The following BCKDHB variants were observed in gnomAD, a reference collection of about 807,000 sequenced individuals.
BCKDHB encodes 2-oxoisovalerate dehydrogenase subunit beta, mitochondrial.
Under a neutral mutation model 48.5 loss-of-function variants are expected in BCKDHB, and 41 were observed. That is an observed-to-expected ratio of 0.85 (90% CI 0.66 to 1.10). The LOEUF is 1.10. Among genes scored for constraint, BCKDHB ranks in the 50% least tolerant of loss-of-function variants. The probability of loss-of-function intolerance (pLI) is 0.00; values close to 1 mark genes in which losing one functional copy is unlikely to be tolerated. For missense variants in BCKDHB, 496 were observed against 494.2 expected (o/e 1.00, Z -0.03); for synonymous variants, 201 against 174.8 (o/e 1.15, Z -1.18).
At chr6:80,307,555 C>G in intron 9 of BCKDHB, 1 of 984,440 alleles carries the variant, frequency 1.0e-6, no homozygotes, top group Non-Finnish European at 1.2e-6. Context: ...CAGATGGGTC[C>G]ATGAATGACT....
chr6:80,387,533 G>A, the BCKDHB span, among the ~76,000 whole-genome samples: 1 of 152,190 alleles, frequency 6.6e-6, no homozygotes, highest in Non-Finnish European at 1.5e-5. Flanking sequence ...AATGACAGTG[G>A]ATTATCATAA....
At chr6:80,207,083 C>T (rs919632139) in intron 8 of BCKDHB, among the ~76,000 whole-genome samples, 3 of 151,946 alleles carry the variant, frequency 2.0e-5, no homozygotes, top group African/African-American at 7.2e-5. Context: ...AAAGAAGGTA[C>T]TGCAAGGGAG....
chr6:80,197,310 A>G (rs1049865410), intron 6 of BCKDHB, among the ~76,000 whole-genome samples: 2 of 152,224 alleles, frequency 1.3e-5, no homozygotes, highest in Non-Finnish European at 2.9e-5. Flanking sequence ...AAATAAATGG[A>G]CATATTAAAA....
At chr6:80,417,613 A>G in the BCKDHB span, among the ~76,000 whole-genome samples, 1 of 152,194 alleles carries the variant, frequency 6.6e-6, no homozygotes, top group Non-Finnish European at 1.5e-5. Flanking sequence ...GTTCGGCCAG[A>G]TATAAAATTC....
chr6:80,146,682 G>T (rs1017651068), intron 3 of BCKDHB, among the ~76,000 whole-genome samples: 1 of 152,138 alleles, frequency 6.6e-6, no homozygotes, highest in Non-Finnish European at 1.5e-5. Flanking sequence ...TTGCCCAAAG[G>T]CTTAGGAATT....
At chr6:80,331,694 A>T (rs1455868474) in intron 9 of BCKDHB, among the ~76,000 whole-genome samples, 2 of 152,164 alleles carry the variant, frequency 1.3e-5, no homozygotes, top group Non-Finnish European at 2.9e-5. Flanking sequence ...ATGTGTGAAC[A>T]CTGTATTTAC....
Position 80,152,041 on chromosome 6 carries a change from T to C in BCKDHB, c.344-15637T>C, listed in dbSNP as rs17808284. 4.8e-3 allele frequency among the ~76,000 whole-genome samples: 729 copies of C among 152,310 alleles called. 4 individuals carry two copies. Among genetic ancestry groups the C allele is most frequent in the South Asian group, 8.1e-3 (39 of 4,828 alleles). ...AAAATTTCAATGGCTTGCCCTTAAA[T>C]TGAAGCTGGTATCACAAGGATGATG... On this transcript the variant is annotated intron_variant, in intron 3 of 9. Coordinates refer to ENST00000320393, the MANE Select transcript of BCKDHB (RefSeq NM_183050.4).
chr6:80,330,462 T>A lies in BCKDHB; in HGVS notation c.1039-13202T>A, dbSNP rs9448926. 1.0e-3 allele frequency among the ~76,000 whole-genome samples: 159 copies of A among 152,312 alleles called. 1 individual carries two copies. Among genetic ancestry groups the A allele is most frequent in the African/African-American group, 3.6e-3 (149 of 41,564 alleles). ...GCATTCACAAATATTTACTGATCCCTGCTCCATGTCAGTCATTGTACCTCT... is the reference window on the plus strand; with the variant it reads ...GCATTCACAAATATTTACTGATCCCAGCTCCATGTCAGTCATTGTACCTCT... On this transcript the variant is annotated intron_variant, in intron 9 of 9. Coordinates refer to ENST00000320393, the MANE Select transcript of BCKDHB (RefSeq NM_183050.4).
the BCKDHB span, among the ~76,000 whole-genome samples, chr6:80,425,680 C>T: frequency 2.6e-5 from 4 of 152,148 alleles, no homozygotes; most frequent in Non-Finnish European, 5.9e-5. Context: ...TTACCATGAT[C>T]GTCTGCAAGG....
At chr6:80,346,504 T>A (rs1770204488), downstream of BCKDHB, among the ~76,000 whole-genome samples, 1 of 152,154 alleles carries the variant, frequency 6.6e-6, no homozygotes, top group Non-Finnish European at 1.5e-5. Flanking sequence ...CAAGGTGTCG[T>A]AATGAATGTA....
chr6:80,156,800 A>C (rs981697377), intron 3 of BCKDHB, among the ~76,000 whole-genome samples: 4 of 152,204 alleles, frequency 2.6e-5, no homozygotes, highest in Non-Finnish European at 4.4e-5. Context: ...GATTAAATAT[A>C]TTATCAAACT....
chr6:80,301,177 A>C (rs567089270), intron 9 of BCKDHB, among the ~76,000 whole-genome samples: 1 of 152,306 alleles, frequency 6.6e-6, no homozygotes, highest in South Asian at 2.1e-4. Flanking sequence ...GAGGAAAATA[A>C]ATAACAAAAA....
chr6:80,347,832 A>G (rs536321792), downstream of BCKDHB, among the ~76,000 whole-genome samples: 2 of 152,304 alleles, frequency 1.3e-5, no homozygotes, highest in South Asian at 4.1e-4. Context: ...CATTTAATTT[A>G]TTGCCAAAAT....
At chr6:80,236,413 G>A (rs1776148752) in intron 8 of BCKDHB, among the ~76,000 whole-genome samples, 1 of 152,144 alleles carries the variant, frequency 6.6e-6, no homozygotes, top group African/African-American at 2.4e-5. Flanking sequence ...TGTTCATAAT[G>A]TAAATATTCA....
chr6:80,143,551 T>C (rs766846519), intron 3 of BCKDHB, among the ~76,000 whole-genome samples: 1 of 152,208 alleles, frequency 6.6e-6, no homozygotes, highest in Non-Finnish European at 1.5e-5. Context: ...AGCACAGTGC[T>C]TTGTTTTCTG....
chr6:80,308,626 G>A lies in BCKDHB; in HGVS notation c.1039-35038G>A, dbSNP rs1333827747. 3.5e-5 allele frequency among the ~76,000 whole-genome samples: 5 copies of A among 142,716 alleles called. No individual in the cohort carries two copies. In the Middle Eastern group the frequency reaches 0.012, roughly 345 times the overall value. The allele number at this position is 142,716 out of a possible 152,430, so 93.6% of individuals were successfully genotyped here. A position where few individuals can be genotyped will look rare whatever the true frequency, so the allele number is the denominator to read the frequency against. On this transcript the variant is annotated intron_variant, in intron 9 of 9. Transcript: ENST00000320393. ...TTTTTTTTTTTTGAGACGGAGTCTC[G>A]CTCTGTCGCCCAGGCTGGAGTGCAG...
the BCKDHB span, among the ~76,000 whole-genome samples, chr6:80,360,078 T>C: frequency 0.02 from 3,072 of 152,258 alleles, 106 homozygotes; most frequent in African/African-American, 0.068. Flanking sequence ...TTGGAGGTGG[T>C]TAGGGATGAC....
At chr6:80,276,899 A>C (rs988122898) in intron 9 of BCKDHB, among the ~76,000 whole-genome samples, 9 of 152,044 alleles carry the variant, frequency 5.9e-5, no homozygotes, top group African/African-American at 2.2e-4. Context: ...CTAATTTACG[A>C]AGTGCTTTAT....
chr6:80,162,777 G>A (rs944458226), intron 3 of BCKDHB, among the ~76,000 whole-genome samples: 15 of 152,160 alleles, frequency 9.9e-5, no homozygotes, highest in Non-Finnish European at 2.1e-4. Context: ...CTTGAACCCA[G>A]GAGGTAGAGG....
Sources: allele counts gnomAD v4.1 joint callset (sites outside exome capture counted in the v4.1 genomes callset), GRCh38; gene constraint gnomAD v4.1.1; transcripts MANE v1.5; gene names NCBI Gene and HGNC (gene_info 2026-07-23, HGNC 2026-07-21).